Variants in LHX4 observed in about 807,000 individuals in gnomAD.
The protein encoded by LHX4 is LIM/homeobox protein Lhx4.
Under a neutral mutation model 39.2 loss-of-function variants are expected in LHX4, and 16 were observed. The ratio of observed to expected loss-of-function variants is 0.41; its 90% CI spans 0.28 to 0.62. The LOEUF is 0.62. Among genes scored for constraint, LHX4 ranks in the 20% least tolerant of loss-of-function variants. The pLI is 0.33. For missense variants in LHX4, 439 were observed against 511.9 expected, an observed-to-expected ratio of 0.86 and a Z score of 1.37; for synonymous variants, 206 against 198.1, an observed-to-expected ratio of 1.04 and a Z score of -0.33.
At position 180,274,434 on chromosome 1, in the gene LHX4, A is replaced by G. The variant is rs1278433581; in HGVS notation, c.1028A>G (p.His343Arg). The change falls in exon 6 of 6, where the codon CAT becomes CGT. Residue 343 changes from histidine to arginine, a missense_variant. Physicochemically the swap from His to Arg is conservative, Grantham distance 29 (BLOSUM62 0). Transcript: ENST00000263726. ...GACAGTAATTTGGGCATCATTGCGC[A>G]TGCAGGGCAGGGAGTAAGCCAGACG... ...TVDSNLGIIA[H>R]AGQGVSQTLR... The G allele has an allele frequency of 6.2e-7, 1 of 1,614,188 alleles. No individual in the cohort carries two copies. Among genetic ancestry groups the G allele is most frequent in the Non-Finnish European group, 8.5e-7 (1 of 1,180,014 alleles).
intron 2 of LHX4, among the ~76,000 whole-genome samples, chr1:180,257,413 G>A (rs1378022532): frequency 6.6e-6 from 1 of 152,204 alleles, no homozygotes; most frequent in Admixed American, 6.5e-5. Flanking sequence ...GTGAATGTGT[G>A]CATGTGACAT....
At chr1:180,237,217 G>A (rs549644877) in intron 1 of LHX4, among the ~76,000 whole-genome samples, 1 of 152,064 alleles carries the variant, frequency 6.6e-6, no homozygotes, top group Non-Finnish European at 1.5e-5. Context: ...TACTCGGCGG[G>A]GGGGGCGGGG....
chr1:180,240,783 G>A (rs967973483), intron 1 of LHX4, among the ~76,000 whole-genome samples: 6 of 152,110 alleles, frequency 3.9e-5, no homozygotes, highest in South Asian at 4.1e-4. Flanking sequence ...CCCAGCTTTC[G>A]GAAACCATTA....
upstream of LHX4, among the ~76,000 whole-genome samples, chr1:180,229,150 T>C (rs1254662380): frequency 1.3e-5 from 2 of 152,220 alleles, no homozygotes; most frequent in Non-Finnish European, 2.9e-5. Flanking sequence ...ATCTCGTAAA[T>C]ACAGTAAGCA....
rs538275074 is a variant in LHX4 at position 180,263,445 on chromosome 1, G to A, written c.249-2947G>A. 7.2e-5 allele frequency among the ~76,000 whole-genome samples: 11 copies of A among 152,210 alleles called. No individual in the cohort carries two copies. In the South Asian group the frequency reaches 2.1e-3, roughly 29 times the overall value. On this transcript the variant is annotated intron_variant, in intron 2 of 5. Coordinates refer to ENST00000263726, the MANE Select transcript of LHX4 (RefSeq NM_033343.4). ...GGCTCTGACTGGAGATGGGGTGGAG[G>A]GTGATCTGCAGGGCTGGGCTGGGCC...
intron 2 of LHX4, among the ~76,000 whole-genome samples, chr1:180,261,435 G>A (rs1373088687): frequency 6.6e-6 from 1 of 152,206 alleles, no homozygotes; most frequent in African/African-American, 2.4e-5. Context: ...AGGATCACTT[G>A]AGACCAGGAA....
chr1:180,253,459 T>C (rs1294407981), intron 2 of LHX4, among the ~76,000 whole-genome samples: 1 of 152,258 alleles, frequency 6.6e-6, no homozygotes, highest in African/African-American at 2.4e-5. Context: ...AGCATCTATG[T>C]CCTCTTCACA....
chr1:180,252,980 C>T (rs1353797703), intron 2 of LHX4, among the ~76,000 whole-genome samples: 4 of 104,222 alleles, frequency 3.8e-5, no homozygotes, highest in African/African-American at 1.5e-4. Context: ...GTCCTTGGCT[C>T]TCCTTTTTTC....
intron 1 of LHX4, among the ~76,000 whole-genome samples, chr1:180,235,028 CTG>C (rs1392108872): frequency 2.6e-5 from 4 of 152,340 alleles, no homozygotes; most frequent in Non-Finnish European, 2.9e-5. Flanking sequence ...CGGGCGTGCT[CTG>C]GGTTTTGGGG....
In LHX4 at chr1:180,248,391, G is replaced by C. The variant is rs765193041; in HGVS notation, c.183G>C (p.Gln61His). 8 of 1,614,150 alleles carry C rather than the reference G, an allele frequency of 5.0e-6. No homozygotes were observed. The highest frequency in any genetic ancestry group is 5.9e-6 in the Non-Finnish European group (7 of 1,180,060). Residue 61 changes from glutamine (Q) to histidine (H), a missense_variant, in exon 2 of 6, where the codon CAG becomes CAC. By Grantham distance (24) the Gln-to-His change is conservative (BLOSUM62 0). Transcript: ENST00000263726. The part of the protein sequence containing the change: ...HSSCLKCADC[Q>H]MQLADRCFSR... ...CCTGCCTCAAGTGTGCAGACTGCCA[G>C]ATGCAGCTGGCGGACAGGTGCTTCT...
In LHX4 at chr1:180,276,696, C is replaced by T. The variant is rs1649049698; in HGVS notation, c.*2117C>T. ...AAAATACACAGGAGAAAAGGCTCTG[C>T]TGGGCAATGAACCAGATGAAAAGCT... On this transcript the variant is annotated 3_prime_UTR_variant, in exon 6 of 6. Transcript: ENST00000263726. 6.6e-6 allele frequency: 1 copy of T among 152,288 alleles called. No homozygotes were observed. The highest frequency in any genetic ancestry group is 6.5e-5 in the Admixed American group (1 of 15,300). The allele number at this position is 152,288 out of a possible 1,614,324, so 9.4% of individuals were successfully genotyped here.
Position 180,230,290 on chromosome 1 carries a change from T to G in LHX4, c.-240T>G, listed in dbSNP as rs1156242352. 1.9e-5 allele frequency: 11 copies of G among 584,912 alleles called. No homozygotes were observed. Among genetic ancestry groups the G allele is most frequent in the Admixed American group, 8.8e-5 (3 of 34,276 alleles). 36.2% of individuals were successfully genotyped at this position (584,912 alleles called of 1,614,324 possible). On this transcript the variant is annotated 5_prime_UTR_variant, in exon 1 of 6. Transcript: ENST00000263726. This position sits in a 1 kb window ranked among gnomAD's most constrained non-coding sequence, Gnocchi z 5.8. ...GAGCTGCAGCAACAGCGTCTCAACCTGGGATGTGCACCAACCCCGGAGAGC... is the reference window on the plus strand; with the variant it reads ...GAGCTGCAGCAACAGCGTCTCAACCGGGGATGTGCACCAACCCCGGAGAGC...
At position 180,276,982 on chromosome 1, in the gene LHX4, TGAG is replaced by T. The variant is rs1048532916; in HGVS notation, c.*2406_*2408del. The T allele has an allele frequency of 6.6e-6, 1 of 152,182 alleles. No individual in the cohort carries two copies. The highest frequency in any genetic ancestry group is 2.4e-5 in the African/African-American group (1 of 41,436). The allele number at this position is 152,182 out of a possible 1,614,324, so 9.4% of individuals were successfully genotyped here. A position where few individuals can be genotyped will look rare whatever the true frequency, so the allele number is the denominator to read the frequency against. Reference sequence around the variant, plus strand: ...TATACTAATAATATAATAAATCTCTTGAGGAACTCAGTGAGCAGTTGACGAGGT... The same window carrying T: ...TATACTAATAATATAATAAATCTCTTGAACTCAGTGAGCAGTTGACGAGGT... On this transcript the variant is annotated 3_prime_UTR_variant, in exon 6 of 6. Transcript: ENST00000263726.
chr1:180,232,268 C>T lies in LHX4; in HGVS notation c.76+1663C>T, dbSNP rs1465138966. ...ACCCAGTACGTCTGTGCTTTCATGG[C>T]TGTGGTCCGTAGGTGACCTGTCTGT... On this transcript the variant is annotated intron_variant, in intron 1 of 5. Transcript: ENST00000263726. This position sits in a 1 kb window ranked among gnomAD's most constrained non-coding sequence, Gnocchi z 5.4. 2.0e-5 allele frequency among the ~76,000 whole-genome samples: 3 copies of T among 152,190 alleles called. No individual in the cohort carries two copies. The highest frequency in any genetic ancestry group is 7.2e-5 in the African/African-American group (3 of 41,448).
intron 2 of LHX4, among the ~76,000 whole-genome samples, chr1:180,257,378 T>C (rs941774373): frequency 6.6e-6 from 1 of 152,256 alleles, no homozygotes; most frequent in Non-Finnish European, 1.5e-5. Context: ...TGAGGGGCTG[T>C]TCCCATGGGC....
intron 5 of LHX4, chr1:180,273,897 G>C (rs543714610): frequency 1.5e-5 from 7 of 463,474 alleles, no homozygotes; most frequent in Middle Eastern, 5.9e-4. Flanking sequence ...AGTGTAGCCA[G>C]AGTATTAGTA....
chr1:180,277,820 A>G lies in LHX4; in HGVS notation c.*3241A>G, dbSNP rs1194323177. Reference sequence around the variant, plus strand: ...AAATGAATACTGTGAAACATCAGGGAAAGAGGAAAAAATTAAGCCACAAGA... The same window carrying G: ...AAATGAATACTGTGAAACATCAGGGGAAGAGGAAAAAATTAAGCCACAAGA... On this transcript the variant is annotated 3_prime_UTR_variant, in exon 6 of 6. Transcript: ENST00000263726. 6.6e-6 allele frequency: 1 copy of G among 151,780 alleles called. No homozygotes were observed. Among genetic ancestry groups the G allele is most frequent in the Admixed American group, 6.6e-5 (1 of 15,224 alleles). The allele number at this position is 151,780 out of a possible 1,614,324, so 9.4% of individuals were successfully genotyped here. A position where few individuals can be genotyped will look rare whatever the true frequency, so the allele number is the denominator to read the frequency against.
At chr1:180,254,173 G>A (rs571037503) in intron 2 of LHX4, among the ~76,000 whole-genome samples, 2 of 152,160 alleles carry the variant, frequency 1.3e-5, no homozygotes, top group Admixed American at 6.5e-5. Flanking sequence ...AGTGACTCTC[G>A]GGTGTTCTGA....
In LHX4 at chr1:180,276,467, G is replaced by A. The variant is rs182904877; in HGVS notation, c.*1888G>A. The A allele has an allele frequency of 1.3e-5, 2 of 152,296 alleles. No individual in the cohort carries two copies. Among genetic ancestry groups the A allele is most frequent in the East Asian group, 3.9e-4 (2 of 5,184 alleles). 9.4% of individuals were successfully genotyped at this position (152,296 alleles called of 1,614,324 possible). A position where few individuals can be genotyped will look rare whatever the true frequency, so the allele number is the denominator to read the frequency against. The stretch of plus-strand genomic sequence containing the variant: ...AGTGGTCATGATTTTTGCTTGAGAA[G>A]TCTGCAAACATAGACACTTCTCTTG... On this transcript the variant is annotated 3_prime_UTR_variant, in exon 6 of 6. Transcript: ENST00000263726.
Sources: allele counts gnomAD v4.1 joint callset (sites outside exome capture counted in the v4.1 genomes callset), GRCh38; gene constraint gnomAD v4.1.1; non-coding constraint Gnocchi (gnomAD v3.1); transcripts MANE v1.5; gene names NCBI Gene and HGNC (gene_info 2026-07-23, HGNC 2026-07-21).